ARID1B: variants seen among roughly 807,000 people sequenced by gnomAD.
The protein encoded by ARID1B is AT-rich interaction domain 1B.
In ARID1B, 30 loss-of-function variants were observed where a neutral mutation model predicts 212.3. That is an observed-to-expected ratio of 0.14 (90% CI 0.11 to 0.19). ARID1B has a LOEUF of 0.19. Among genes scored for constraint, ARID1B ranks in the 10% least tolerant of loss-of-function variants. The pLI is 1.00. For synonymous variants in ARID1B, 1,402 were observed against 1,301.7 expected (o/e 1.08, Z -1.66); for missense variants, 2,891 against 3,204.0 (o/e 0.90, Z 2.36).
At chr6:156,865,372 T>A (rs1216199467) in intron 2 of ARID1B, among the ~76,000 whole-genome samples, 1 of 152,240 alleles carries the variant, frequency 6.6e-6, no homozygotes, top group African/African-American at 2.4e-5. Context: ...GAAATCACTT[T>A]CCTTCACAAT....
At chr6:156,984,864 T>C (rs1777830003) in intron 4 of ARID1B, 1 of 152,130 alleles carries the variant, frequency 6.6e-6, no homozygotes, top group Non-Finnish European at 1.5e-5. Context: ...GCTAATTGTT[T>C]TGTATTTTTT....
At chr6:156,950,756 G>A (rs369952461) in intron 4 of ARID1B, among the ~76,000 whole-genome samples, 1 of 152,114 alleles carries the variant, frequency 6.6e-6, no homozygotes, top group African/African-American at 2.4e-5. Flanking sequence ...TGACTTTACC[G>A]TTGCAAATAG....
chr6:157,096,716 C>G (rs1316815045), intron 5 of ARID1B, among the ~76,000 whole-genome samples: 1 of 152,230 alleles, frequency 6.6e-6, no homozygotes, highest in Non-Finnish European at 1.5e-5. Flanking sequence ...AGGGTGCCCA[C>G]TGCCACCCGC....
intron 4 of ARID1B, among the ~76,000 whole-genome samples, chr6:157,032,180 T>C (rs968387551): frequency 6.6e-6 from 1 of 152,212 alleles, no homozygotes; most frequent in East Asian, 1.9e-4. Flanking sequence ...GGAAAACAAA[T>C]GGATACATTC....
rs558906072 is a variant in ARID1B at position 156,875,012 on chromosome 6, C to T, written c.1987-26364C>T. Among the ~76,000 whole-genome samples the T allele has an allele frequency of 1.2e-4, 18 of 152,298 alleles. No homozygotes were observed. The East Asian group carries it at 3.3e-3, about 28-fold the overall frequency. On this transcript the variant is annotated intron_variant, in intron 2 of 19. Transcript: ENST00000636930. Reference sequence around the variant, plus strand: ...AGTAACTGATCAGGTAAATATTTGACTTTAGTTAACATATAGGATCTACTT... The same window carrying T: ...AGTAACTGATCAGGTAAATATTTGATTTTAGTTAACATATAGGATCTACTT...
At chr6:156,960,637 A>G (rs1162394169) in intron 4 of ARID1B, among the ~76,000 whole-genome samples, 1 of 152,180 alleles carries the variant, frequency 6.6e-6, no homozygotes, top group East Asian at 1.9e-4. Flanking sequence ...TTCAAGCAAC[A>G]ATTTCACTAC....
intron 2 of ARID1B, among the ~76,000 whole-genome samples, chr6:156,874,496 C>A (rs1786390079): frequency 6.6e-6 from 1 of 152,224 alleles, no homozygotes; most frequent in Admixed American, 6.5e-5. Context: ...GAGTTCAACA[C>A]CAAGGCTCAA....
At chr6:157,087,426 G>A (rs971964612) in intron 5 of ARID1B, among the ~76,000 whole-genome samples, 2 of 152,180 alleles carry the variant, frequency 1.3e-5, no homozygotes, top group African/African-American at 2.4e-5. Context: ...AAGCCTCTCT[G>A]TGCCTCAGTT....
At chr6:156,796,160 C>A (rs546720018) in intron 1 of ARID1B, among the ~76,000 whole-genome samples, 1 of 152,278 alleles carries the variant, frequency 6.6e-6, no homozygotes, top group East Asian at 1.9e-4. Context: ...TAAATGAAGT[C>A]TTTGCTGTCT....
chr6:157,003,928 A>T (rs573590733), intron 4 of ARID1B, among the ~76,000 whole-genome samples: 32 of 152,002 alleles, frequency 2.1e-4, no homozygotes, highest in African/African-American at 7.0e-4. Flanking sequence ...TGAGCCCAGG[A>T]GTTCAAGACC....
At chr6:157,006,418 C>G (rs986898770) in intron 4 of ARID1B, among the ~76,000 whole-genome samples, 4 of 152,226 alleles carry the variant, frequency 2.6e-5, no homozygotes, top group South Asian at 2.1e-4. Flanking sequence ...AGAATTGTAG[C>G]ATAAGGTTGA....
At chr6:157,175,908 A>G (rs928256715) in intron 11 of ARID1B, 1 of 152,220 alleles carries the variant, frequency 6.6e-6, no homozygotes, top group Non-Finnish European at 1.5e-5. Flanking sequence ...AGAAGGCTTA[A>G]TTAACATGCT....
intron 4 of ARID1B, among the ~76,000 whole-genome samples, chr6:156,998,943 T>A (rs565997527): frequency 6.6e-6 from 1 of 152,316 alleles, no homozygotes; most frequent in East Asian, 1.9e-4. Flanking sequence ...TTCACTGGTG[T>A]GAGAACACAT....
chr6:157,036,925 T>A (rs1362903235), intron 4 of ARID1B: 2 of 485,120 alleles, frequency 4.1e-6, no homozygotes, highest in Non-Finnish European at 8.1e-6. Context: ...CAGTTCCTCC[T>A]AGGTGGATTT....
chr6:157,026,897 A>G (rs1780700181), intron 4 of ARID1B, among the ~76,000 whole-genome samples: 1 of 151,948 alleles, frequency 6.6e-6, no homozygotes, highest in Non-Finnish European at 1.5e-5. Flanking sequence ...AAAACTTCTA[A>G]CTCCTCTTCC....
Position 157,067,065 on chromosome 6 carries a change from T to TA in ARID1B, c.2248-17589dup, listed in dbSNP as rs894126394. Reference sequence around the variant, plus strand: ...CTACTTACTGAGTGGGCTGTCAGGATAAAAAAAACAAGAAGTGCTATCATT... The same window carrying TA: ...CTACTTACTGAGTGGGCTGTCAGGATAAAAAAAAACAAGAAGTGCTATCATT... On this transcript the variant is annotated intron_variant, in intron 4 of 19. Coordinates refer to ENST00000636930, the MANE Select transcript of ARID1B (RefSeq NM_001374828.1). Among the ~76,000 whole-genome samples, 13 of 152,060 alleles carry TA rather than the reference T, an allele frequency of 8.5e-5. No individual in the cohort carries two copies. In the South Asian group the frequency reaches 1.5e-3, roughly 17 times the overall value.
intron 10 of ARID1B, 119 bp from the exon 11 acceptor site, chr6:157,174,728 A>G: frequency 7.3e-6 from 2 of 272,340 alleles, no homozygotes; most frequent in Non-Finnish European, 1.3e-5. Flanking sequence ...TTATATATAT[A>G]TATATATATA....
At chr6:157,037,058 A>G (rs949693222) in intron 4 of ARID1B, among the ~76,000 whole-genome samples, 1 of 152,306 alleles carries the variant, frequency 6.6e-6, no homozygotes, top group African/African-American at 2.4e-5. Context: ...TAGTATTTTC[A>G]TTACCTTCTT....
intron 4 of ARID1B, among the ~76,000 whole-genome samples, chr6:156,987,740 C>G (rs183154500): frequency 6.6e-6 from 1 of 152,148 alleles, no homozygotes; most frequent in Non-Finnish European, 1.5e-5. Flanking sequence ...TATTCTCATA[C>G]TTGATAGTTA....
Sources: allele counts gnomAD v4.1 joint callset (sites outside exome capture counted in the v4.1 genomes callset), GRCh38; gene constraint gnomAD v4.1.1; transcripts MANE v1.5; gene names NCBI Gene and HGNC (gene_info 2026-07-23, HGNC 2026-07-21).